Variants in POFUT3 observed in about 807,000 individuals in gnomAD.
POFUT3 encodes the protein protein O-fucosyltransferase 3.
chr8:33,370,112 A>T, the POFUT3 span, among the ~76,000 whole-genome samples: 1 of 139,256 alleles, frequency 7.2e-6, no homozygotes, highest in Non-Finnish European at 1.5e-5. Context: ...TGGGTGGGTC[A>T]CTTAAGGGCA....
the POFUT3 span, among the ~76,000 whole-genome samples, chr8:33,401,649 T>A: frequency 6.6e-6 from 1 of 152,186 alleles, no homozygotes; most frequent in Non-Finnish European, 1.5e-5. Flanking sequence ...TCAAGAATGA[T>A]CACATGGTAT....
chr8:33,437,372 C>T, the POFUT3 span, among the ~76,000 whole-genome samples: 1 of 150,154 alleles, frequency 6.7e-6, no homozygotes, highest in African/African-American at 2.5e-5. Flanking sequence ...AGCAGAGGCT[C>T]AGTTAAAATA....
the POFUT3 span, among the ~76,000 whole-genome samples, chr8:33,415,253 C>T: frequency 6.6e-6 from 1 of 152,150 alleles, no homozygotes; most frequent in Admixed American, 6.5e-5. Context: ...CACAGTGAGA[C>T]TCTGCCTCAA....
chr8:33,385,547 C>T, the POFUT3 span, among the ~76,000 whole-genome samples: 1 of 152,112 alleles, frequency 6.6e-6, no homozygotes, highest in Non-Finnish European at 1.5e-5. Context: ...TCTGGGTCAC[C>T]CTATCAGGCA....
chr8:33,335,707 C>T, the POFUT3 span, among the ~76,000 whole-genome samples: 1 of 152,108 alleles, frequency 6.6e-6, no homozygotes, highest in Admixed American at 6.5e-5. Context: ...AGCCAATTCA[C>T]ACATATTTTG....
chr8:33,328,505 CG>C, the POFUT3 span, among the ~76,000 whole-genome samples: 112 of 152,254 alleles, frequency 7.4e-4, no homozygotes, highest in African/African-American at 2.4e-3. Flanking sequence ...GGTGATTCCA[CG>C]GGGCACTCTG....
chr8:33,446,500 G>A, the POFUT3 span, among the ~76,000 whole-genome samples: 1 of 151,854 alleles, frequency 6.6e-6, no homozygotes, highest in East Asian at 1.9e-4. Flanking sequence ...TTGGCGCCTG[G>A]CACAGAGTAG....
At chr8:33,336,082 T>C in the POFUT3 span, among the ~76,000 whole-genome samples, 1 of 152,246 alleles carries the variant, frequency 6.6e-6, no homozygotes. Context: ...TCAATTTCTG[T>C]GTTATTCACA....
chr8:33,353,707 G>A, the POFUT3 span, among the ~76,000 whole-genome samples: 2 of 152,186 alleles, frequency 1.3e-5, no homozygotes, highest in African/African-American at 2.4e-5. Flanking sequence ...GCCAGCTGCA[G>A]TCAGAGGGAG....
the POFUT3 span, among the ~76,000 whole-genome samples, chr8:33,465,454 T>C: frequency 0.022 from 3,356 of 151,170 alleles, 60 homozygotes; most frequent in East Asian, 0.078. Flanking sequence ...AGAGAGTTGT[T>C]GCTGTTGTTG....
chr8:33,367,784 C>A, the POFUT3 span, among the ~76,000 whole-genome samples: 1 of 151,980 alleles, frequency 6.6e-6, no homozygotes, highest in African/African-American at 2.4e-5. Context: ...AAGCAACTTA[C>A]GTTACATTCA....
At chr8:33,311,813 T>C in the POFUT3 span, among the ~76,000 whole-genome samples, 1 of 152,238 alleles carries the variant, frequency 6.6e-6, no homozygotes, top group Non-Finnish European at 1.5e-5. Flanking sequence ...TTGTGGTGGA[T>C]AGAATCATGT....
the POFUT3 span, among the ~76,000 whole-genome samples, chr8:33,328,192 G>A: frequency 6.6e-6 from 1 of 152,116 alleles, no homozygotes; most frequent in Non-Finnish European, 1.5e-5. Flanking sequence ...GGCTGTCCGA[G>A]GAGGGGTGAC....
chr8:33,320,670 C>T, the POFUT3 span, among the ~76,000 whole-genome samples: 1 of 152,040 alleles, frequency 6.6e-6, no homozygotes, highest in Non-Finnish European at 1.5e-5. Flanking sequence ...AGATAGTGCA[C>T]TTATGGCTGA....
the POFUT3 span, among the ~76,000 whole-genome samples, chr8:33,422,297 C>T: frequency 5.3e-5 from 8 of 151,656 alleles, no homozygotes; most frequent in Non-Finnish European, 1.0e-4. Context: ...AATCCCAGCA[C>T]TTTGGGAGGC....
At chr8:33,312,224 T>C in the POFUT3 span, among the ~76,000 whole-genome samples, 13 of 150,112 alleles carry the variant, frequency 8.7e-5, no homozygotes, top group African/African-American at 3.2e-4. Flanking sequence ...ATTGCACCAC[T>C]GCACTCCAGC....
the POFUT3 span, among the ~76,000 whole-genome samples, chr8:33,432,711 T>C: frequency 1.3e-5 from 2 of 152,324 alleles, no homozygotes; most frequent in Admixed American, 1.3e-4. Flanking sequence ...GGCCTGAATA[T>C]ACTAAACATT....
chr8:33,352,921 C>T, the POFUT3 span, among the ~76,000 whole-genome samples: 1 of 152,196 alleles, frequency 6.6e-6, no homozygotes, highest in Non-Finnish European at 1.5e-5. Context: ...TCAATTATCC[C>T]AGTGGGCAGT....
the POFUT3 span, among the ~76,000 whole-genome samples, chr8:33,404,674 G>A: frequency 6.6e-6 from 1 of 151,640 alleles, no homozygotes; most frequent in Non-Finnish European, 1.5e-5. Context: ...GACAATGGCA[G>A]GTCTCATCAC....
Sources: gnomAD v4.1 joint callset for allele counts (sites outside exome capture counted in the v4.1 genomes callset) on GRCh38, gnomAD v4.1.1 for gene constraint, MANE v1.5 for transcripts, NCBI Gene and HGNC (gene_info 2026-07-23, HGNC 2026-07-21) for gene names.